LRRTM4: variants seen among roughly 807,000 people sequenced by gnomAD.
LRRTM4 encodes leucine rich repeat transmembrane neuronal 4, also known as leucine-rich repeat transmembrane neuronal protein 4.
Under a neutral mutation model 47.6 loss-of-function variants are expected in LRRTM4, and 25 were observed. The ratio of observed to expected loss-of-function variants is 0.53; its 90% CI spans 0.38 to 0.73. The LOEUF (loss-of-function observed/expected upper bound fraction) is 0.73. LRRTM4 is among the 30% of genes least tolerant of loss of function. The probability of loss-of-function intolerance (pLI) is 0.00; values close to 1 mark genes in which losing one functional copy is unlikely to be tolerated. For missense variants in LRRTM4, 638 were observed against 713.4 expected (o/e 0.89, Z 1.20); for synonymous variants, 311 against 269.5 (o/e 1.15, Z -1.51).
At chr2:77,115,829 T>C (rs1257950203) in intron 3 of LRRTM4, among the ~76,000 whole-genome samples, 1 of 152,208 alleles carries the variant, frequency 6.6e-6, no homozygotes, top group Admixed American at 6.5e-5. Flanking sequence ...GATTTTGCTT[T>C]CCACCTAGAC....
intron 3 of LRRTM4, among the ~76,000 whole-genome samples, chr2:77,325,263 A>G (rs1670717357): frequency 6.6e-6 from 1 of 152,184 alleles, no homozygotes; most frequent in African/African-American, 2.4e-5. Context: ...AAAAAAAGAT[A>G]GTTGAGCACT....
intron 3 of LRRTM4, among the ~76,000 whole-genome samples, chr2:77,180,006 A>G (rs1365065654): frequency 6.6e-6 from 1 of 152,178 alleles, no homozygotes; most frequent in Non-Finnish European, 1.5e-5. Flanking sequence ...AATAAAAATT[A>G]TTAGAAAGTG....
intron 3 of LRRTM4, among the ~76,000 whole-genome samples, chr2:76,904,932 C>T (rs143633522): frequency 0.014 from 2,156 of 152,278 alleles, 27 homozygotes; most frequent in Non-Finnish European, 0.024. Flanking sequence ...CTACAGCTCC[C>T]AGTGTGAGCG....
intron 3 of LRRTM4, among the ~76,000 whole-genome samples, chr2:77,299,581 T>C (rs967562051): frequency 2.6e-5 from 4 of 152,078 alleles, no homozygotes; most frequent in Admixed American, 6.6e-5. Context: ...GTTTTCCTTT[T>C]GTATGGTAGC....
intron 3 of LRRTM4, among the ~76,000 whole-genome samples, chr2:77,202,018 T>C (rs1382064063): frequency 6.6e-6 from 1 of 152,034 alleles, no homozygotes; most frequent in Non-Finnish European, 1.5e-5. Flanking sequence ...TTCTTGAAGG[T>C]TGTTAAAAGT....
intron 3 of LRRTM4, among the ~76,000 whole-genome samples, chr2:77,375,904 CAT>C (rs1672822534): frequency 6.6e-6 from 1 of 151,770 alleles, no homozygotes; most frequent in African/African-American, 2.4e-5. Flanking sequence ...ACTTCATACC[CAT>C]TGAATAGCAA....
chr2:77,229,077 C>T (rs995421218), intron 3 of LRRTM4, among the ~76,000 whole-genome samples: 1 of 152,088 alleles, frequency 6.6e-6, no homozygotes, highest in Non-Finnish European at 1.5e-5. Context: ...TGGCAGCATT[C>T]ATCATGCCCC....
intron 3 of LRRTM4, among the ~76,000 whole-genome samples, chr2:77,025,656 G>A (rs1678430061): frequency 6.6e-6 from 1 of 152,130 alleles, no homozygotes; most frequent in Non-Finnish European, 1.5e-5. Context: ...AAAAGGACAA[G>A]GCTGGTAGAA....
rs141591553 is a variant in LRRTM4, at chr2:76,897,250, C to G, written c.1552-148334G>C. On this transcript the variant is annotated intron_variant, in intron 3 of 3. Coordinates refer to ENST00000409884, the MANE Select transcript of LRRTM4 (RefSeq NM_001134745.3). ...CCTTCCATGCTGCATTTAGAGAAAA[C>G]TTAGCTCTCTGGAAATTAAACTCCT... 4.0e-3 allele frequency among the ~76,000 whole-genome samples: 610 copies of G among 152,144 alleles called. 2 individuals carry two copies. The highest frequency in any genetic ancestry group is 4.7e-3 in the Non-Finnish European group (319 of 67,990).
At chr2:76,789,929 G>C (rs781231521) in intron 3 of LRRTM4, among the ~76,000 whole-genome samples, 1 of 151,922 alleles carries the variant, frequency 6.6e-6, no homozygotes, top group Non-Finnish European at 1.5e-5. Context: ...AGATGGGTTG[G>C]TCCTGTCTTG....
At chr2:77,101,196 A>G (rs1670944194) in intron 3 of LRRTM4, among the ~76,000 whole-genome samples, 1 of 152,196 alleles carries the variant, frequency 6.6e-6, no homozygotes, top group African/African-American at 2.4e-5. Context: ...ACAATATCAT[A>G]TGCATAGAAG....
chr2:76,947,841 C>G (rs977959531), intron 3 of LRRTM4, among the ~76,000 whole-genome samples: 1 of 151,782 alleles, frequency 6.6e-6, no homozygotes, highest in Non-Finnish European at 1.5e-5. Flanking sequence ...GGAATAGGCA[C>G]ATTTACAGCA....
At chr2:77,267,171 A>G (rs375589092) in intron 3 of LRRTM4, among the ~76,000 whole-genome samples, 346 of 152,316 alleles carry the variant, frequency 2.3e-3, no homozygotes, top group African/African-American at 8.1e-3. Flanking sequence ...AATTGAAATC[A>G]AGAGAATAGA....
At position 77,484,452 on chromosome 2, in the gene LRRTM4, A is replaced by G. The variant is rs149139113; in HGVS notation, c.1551+33866T>C. Among the ~76,000 whole-genome samples the G allele has an allele frequency of 2.3e-3, 349 of 152,314 alleles. 2 individuals carry two copies. The highest frequency in any genetic ancestry group is 8.1e-3 in the African/African-American group (336 of 41,566). On this transcript the variant is annotated intron_variant, in intron 3 of 3. Coordinates refer to ENST00000409884, the MANE Select transcript of LRRTM4 (RefSeq NM_001134745.3). Reference sequence around the variant, plus strand: ...ATTTAAAGGAATAATTATACCTTTGAGCAAGACTTGAGATTGCAAAGAGGT... The same window carrying G: ...ATTTAAAGGAATAATTATACCTTTGGGCAAGACTTGAGATTGCAAAGAGGT...
chr2:76,799,187 A>G (rs1675524319), intron 3 of LRRTM4, among the ~76,000 whole-genome samples: 1 of 129,986 alleles, frequency 7.7e-6, no homozygotes, highest in South Asian at 2.7e-4. Flanking sequence ...ATGAACATTG[A>G]TGCAAAAATC....
At chr2:77,316,966 T>C (rs1314508790) in intron 3 of LRRTM4, among the ~76,000 whole-genome samples, 2 of 152,208 alleles carry the variant, frequency 1.3e-5, no homozygotes, top group African/African-American at 4.8e-5. Context: ...AATAAACACA[T>C]AAGTTTTTCC....
At chr2:77,467,800 A>G (rs1677036050) in intron 3 of LRRTM4, among the ~76,000 whole-genome samples, 1 of 152,200 alleles carries the variant, frequency 6.6e-6, no homozygotes, top group Admixed American at 6.5e-5. Flanking sequence ...GGTAGGGAAA[A>G]TGACAAGATC....
chr2:76,966,804 C>T (rs2103927340), intron 3 of LRRTM4, among the ~76,000 whole-genome samples: 1 of 151,522 alleles, frequency 6.6e-6, no homozygotes, highest in South Asian at 2.1e-4. Flanking sequence ...TGCCAATTAA[C>T]CCTCTTTGGG....
At chr2:76,985,778 T>C (rs987807289) in intron 3 of LRRTM4, among the ~76,000 whole-genome samples, 2 of 152,008 alleles carry the variant, frequency 1.3e-5, no homozygotes, top group African/African-American at 4.8e-5. Context: ...TTGTATATTA[T>C]AGTGGCTCTG....
Sources: gnomAD v4.1 joint callset for allele counts (sites outside exome capture counted in the v4.1 genomes callset) on GRCh38, gnomAD v4.1.1 for gene constraint, MANE v1.5 for transcripts, NCBI Gene and HGNC (gene_info 2026-07-23, HGNC 2026-07-21) for gene names.